Variants in SPECC1L observed in about 807,000 individuals in gnomAD.
SPECC1L encodes cytospin-A.
Under a neutral mutation model 116.8 loss-of-function variants are expected in SPECC1L, and 40 were observed. The ratio of observed to expected loss-of-function variants is 0.34; its 90% CI spans 0.27 to 0.45. SPECC1L has a LOEUF of 0.45. Ranked by LOEUF, SPECC1L falls within the 20% of genes least tolerant of loss-of-function variation. The pLI, the probability that SPECC1L is intolerant of heterozygous loss-of-function variation, is 1.00. For missense variants in SPECC1L, 1,110 were observed against 1,373.6 expected (o/e 0.81, Z 3.03); for synonymous variants, 504 against 500.6 (o/e 1.01, Z -0.09).
intron 10 of SPECC1L, among the ~76,000 whole-genome samples, chr22:24,346,688 G>A (rs1469968977): frequency 6.6e-6 from 1 of 152,090 alleles, no homozygotes; most frequent in African/African-American, 2.4e-5. Context: ...TTATGGTGAT[G>A]GAAATGTTCT....
chr22:24,343,676 G>T (rs1410939911), intron 10 of SPECC1L: 3 of 206,000 alleles, frequency 1.5e-5, no homozygotes, highest in Non-Finnish European at 2.1e-5. Flanking sequence ...GCCCAGGCTT[G>T]TCTCAAATTC....
At chr22:24,412,083 C>T (rs1210680775) in intron 15 of SPECC1L, 4 of 385,224 alleles carry the variant, frequency 1.0e-5, no homozygotes, top group Non-Finnish European at 2.0e-5. Flanking sequence ...GGCTGTCACT[C>T]CATAGCCCAT....
At chr22:24,315,968 C>T (rs1385541791) in intron 4 of SPECC1L, among the ~76,000 whole-genome samples, 1 of 152,218 alleles carries the variant, frequency 6.6e-6, no homozygotes, top group Non-Finnish European at 1.5e-5. Context: ...ATGACTTCAT[C>T]TTACGTTAAT....
At chr22:24,401,043 A>G (rs2042464614) in intron 14 of SPECC1L, among the ~76,000 whole-genome samples, 2 of 152,196 alleles carry the variant, frequency 1.3e-5, no homozygotes, top group African/African-American at 2.4e-5. Flanking sequence ...AGCATAGGGC[A>G]CTGTCCCCAC....
chr22:24,369,444 A>T (rs1167315774), intron 14 of SPECC1L, 124 bp downstream of exon 14: 1 of 761,442 alleles, frequency 1.3e-6, no homozygotes, highest in Admixed American at 2.0e-5. Flanking sequence ...GATCACACCT[A>T]TAATCCTAAC....
intron 14 of SPECC1L, among the ~76,000 whole-genome samples, chr22:24,385,889 A>T (rs1183716431): frequency 2.6e-5 from 4 of 152,246 alleles, no homozygotes; most frequent in African/African-American, 9.6e-5. Flanking sequence ...GCTATTAACT[A>T]CTTTGTCCTG....
Position 24,411,675 on chromosome 22 carries a change from C to A in SPECC1L, c.3175C>A (p.Pro1059Thr), listed in dbSNP as rs1387255778. The part of the protein sequence containing the change: ...LLHTYLPAHI[P>T]YQELNSQDKR... ...GCATACATATCTCCCTGCCCACATT[C>A]CATATCAAGAACTGAACAGCCAGGA... The change falls in exon 15 of 17, where the codon CCA (proline) becomes ACA (threonine). Residue 1059 changes from proline (P) to threonine (T), a missense_variant. Physicochemically the swap from Pro to Thr is conservative, Grantham distance 38 (BLOSUM62 -1). Around this residue, in one of 4 missense-constraint regions of SPECC1L, gnomAD observed 76 missense variants for 148.5 expected, o/e 0.51. Coordinates refer to ENST00000314328, the MANE Select transcript of SPECC1L (RefSeq NM_015330.6). 1 of 1,613,712 alleles carries A rather than the reference C, an allele frequency of 6.2e-7. No individual in the cohort carries two copies. Among genetic ancestry groups the A allele is most frequent in the Non-Finnish European group, 8.5e-7 (1 of 1,179,996 alleles).
In SPECC1L at chr22:24,330,661, G is replaced by A. The variant is rs566597419; in HGVS notation, c.2396+230G>A. ...TCAGTGATCCCCAACTCTGGAGGGA[G>A]CCAGGATGGTCTCTCACATGATTCT... On this transcript the variant is annotated intron_variant, in intron 8 of 16. Coordinates refer to ENST00000314328, the MANE Select transcript of SPECC1L (RefSeq NM_015330.6). 2.0e-5 allele frequency among the ~76,000 whole-genome samples: 3 copies of A among 152,288 alleles called. No homozygotes were observed. In the East Asian group the frequency reaches 5.8e-4, roughly 29 times the overall value.
At chr22:24,402,103 C>CCTTCCTTCCT (rs2042489095) in intron 14 of SPECC1L, among the ~76,000 whole-genome samples, 1 of 116,350 alleles carries the variant, frequency 8.6e-6, no homozygotes, top group Non-Finnish European at 1.8e-5. Context: ...TACTGCTTCC[C>CCTTCCTTCCT]CTTCCTTCCC....
chr22:24,288,682 A>G (rs374253894), intron 2 of SPECC1L, among the ~76,000 whole-genome samples: 2 of 123,108 alleles, frequency 1.6e-5, no homozygotes, highest in East Asian at 2.5e-4. Context: ...CTGGAGTGCA[A>G]TGGCGTGATC....
intron 6 of SPECC1L, among the ~76,000 whole-genome samples, chr22:24,325,971 G>C (rs2040813721): frequency 6.6e-6 from 1 of 151,994 alleles, no homozygotes; most frequent in Non-Finnish European, 1.5e-5. Context: ...TTGCTTTTTT[G>C]GGATGGAGTT....
At chr22:24,398,195 G>A (rs559346909) in intron 14 of SPECC1L, among the ~76,000 whole-genome samples, 2 of 152,350 alleles carry the variant, frequency 1.3e-5, no homozygotes, top group South Asian at 2.1e-4. Context: ...GTTGTAGAAG[G>A]TGGAATCAAC....
At chr22:24,286,248 G>A (rs2049041674) in intron 2 of SPECC1L, among the ~76,000 whole-genome samples, 1 of 152,210 alleles carries the variant, frequency 6.6e-6, no homozygotes, top group African/African-American at 2.4e-5. Flanking sequence ...TTTACTGAAA[G>A]TCAAAGTTTG....
chr22:24,306,481 A>G lies in SPECC1L; in HGVS notation c.153+4097A>G, dbSNP rs977370632. On this transcript the variant is annotated intron_variant, in intron 3 of 16. Transcript: ENST00000314328. ...CTGCAGCCTTGAACTCCTGGGCTCA[A>G]GCGGTCTTCAGGCTTCAGCCTCCTG... Among the ~76,000 whole-genome samples the G allele has an allele frequency of 6.6e-5, 10 of 152,214 alleles. No homozygotes were observed. In the East Asian group the frequency reaches 1.9e-3, roughly 29 times the overall value.
intron 14 of SPECC1L, among the ~76,000 whole-genome samples, chr22:24,392,923 G>A (rs1194107961): frequency 6.6e-6 from 1 of 152,346 alleles, no homozygotes; most frequent in South Asian, 2.1e-4. Context: ...TGTGGCCAGA[G>A]CACTTCTATG....
intron 10 of SPECC1L, among the ~76,000 whole-genome samples, chr22:24,339,795 T>A (rs1391812393): frequency 1.3e-5 from 2 of 152,282 alleles, no homozygotes; most frequent in East Asian, 1.9e-4. Flanking sequence ...CTTTTTTTTT[T>A]ACCCCGAAAC....
chr22:24,377,625 T>A (rs2041995984), intron 14 of SPECC1L, among the ~76,000 whole-genome samples: 1 of 152,226 alleles, frequency 6.6e-6, no homozygotes, highest in African/African-American at 2.4e-5. Flanking sequence ...ACCCCATAGT[T>A]TATTGAACAT....
chr22:24,388,381 C>T (rs1451689452), intron 14 of SPECC1L, among the ~76,000 whole-genome samples: 2 of 150,880 alleles, frequency 1.3e-5, no homozygotes, highest in South Asian at 2.1e-4. Context: ...TGATGGTTTC[C>T]AGCTTCATCC....
chr22:24,407,235 G>A (rs557414715), intron 14 of SPECC1L, among the ~76,000 whole-genome samples: 2 of 152,246 alleles, frequency 1.3e-5, no homozygotes, highest in Admixed American at 6.5e-5. Context: ...GTACTCAAAT[G>A]TGAACTTCCT....
Sources: allele counts gnomAD v4.1 joint callset (sites outside exome capture counted in the v4.1 genomes callset), GRCh38; gene constraint gnomAD v4.1.1; regional missense constraint gnomAD v4.1.1; transcripts MANE v1.5; gene names NCBI Gene and HGNC (gene_info 2026-07-23, HGNC 2026-07-21).